Variants in CEP112 observed in about 807,000 individuals in gnomAD.
The protein encoded by CEP112 is centrosomal protein 112, also known as centrosomal protein of 112 kDa.
CEP112 carries 127 observed loss-of-function variants against 153.0 expected under a neutral mutation model. The observed-to-expected ratio is 0.83, with a 90% CI of 0.72 to 0.96. CEP112 has a LOEUF of 0.96. CEP112 is among the 40% of genes least tolerant of loss of function. The pLI is 0.00. For missense variants in CEP112, 1,089 were observed against 1,101.2 expected, an observed-to-expected ratio of 0.99 and a Z score of 0.16; for synonymous variants, 358 against 374.4, an observed-to-expected ratio of 0.96 and a Z score of 0.51.
chr17:65,864,913 AGTGTGTGTGTGTGTGTGTGTGTGTGTGT>A (rs6146121), intron 20 of CEP112, among the ~76,000 whole-genome samples: 113 of 144,606 alleles, frequency 7.8e-4, no homozygotes, highest in South Asian at 2.4e-3. Flanking sequence ...GGGGTAAGCA[AGTGTGTGTGTGTGTGTGTGTGTGTGTGT>A]GTGTGTGTGT....
intron 24 of CEP112, among the ~76,000 whole-genome samples, chr17:65,668,429 A>G: frequency 6.6e-6 from 1 of 151,990 alleles, no homozygotes. Context: ...AGACCTTATT[A>G]CCCCTGTGAC....
chr17:65,977,405 C>G (rs890567832), intron 17 of CEP112, among the ~76,000 whole-genome samples: 7 of 152,178 alleles, frequency 4.6e-5, no homozygotes, highest in Non-Finnish European at 1.0e-4. Context: ...CAGTATAGCA[C>G]AGTGGTTAAG....
chr17:65,786,511 T>G (rs957794451), intron 21 of CEP112, among the ~76,000 whole-genome samples: 2 of 152,170 alleles, frequency 1.3e-5, no homozygotes, highest in South Asian at 4.2e-4. Context: ...CAGTTCTTCA[T>G]GTATTTATGG....
chr17:66,073,899 C>A (rs2067389622), intron 8 of CEP112, among the ~76,000 whole-genome samples: 1 of 151,966 alleles, frequency 6.6e-6, no homozygotes, highest in Non-Finnish European at 1.5e-5. Flanking sequence ...CCACAAGGTC[C>A]TTTATCTAGA....
At chr17:65,753,603 C>G (rs1598474015) in intron 21 of CEP112, among the ~76,000 whole-genome samples, 1 of 152,124 alleles carries the variant, frequency 6.6e-6, no homozygotes, top group Non-Finnish European at 1.5e-5. Flanking sequence ...CACTCTCCAC[C>G]AGAATTAGGG....
intron 8 of CEP112, among the ~76,000 whole-genome samples, chr17:66,088,304 C>T (rs1416108965): frequency 1.3e-5 from 2 of 152,102 alleles, no homozygotes; most frequent in East Asian, 3.9e-4. Flanking sequence ...GCCAGCCCAG[C>T]AGACTCAGTC....
At chr17:65,670,374 A>C (rs934003404) in intron 24 of CEP112, among the ~76,000 whole-genome samples, 10 of 152,014 alleles carry the variant, frequency 6.6e-5, no homozygotes, top group Non-Finnish European at 1.5e-4. Context: ...TAAAAAAAAA[A>C]ACCCTCATAA....
intron 4 of CEP112, among the ~76,000 whole-genome samples, chr17:66,160,859 A>G (rs1236155507): frequency 2.0e-5 from 3 of 152,186 alleles, no homozygotes; most frequent in African/African-American, 7.2e-5. Context: ...TAAACTAAAG[A>G]GCTTCTGCCT....
intron 21 of CEP112, among the ~76,000 whole-genome samples, chr17:65,828,742 T>C (rs1398937489): frequency 6.6e-6 from 1 of 152,158 alleles, no homozygotes. Context: ...GCTCCTAATA[T>C]CAAACCATCT....
In CEP112 at chr17:66,044,684, G is replaced by A. The variant is rs187358554; in HGVS notation, c.1218+9052C>T. Among the ~76,000 whole-genome samples, 14 of 152,282 alleles carry A rather than the reference G, an allele frequency of 9.2e-5. No homozygotes were observed. In the East Asian group the frequency reaches 2.3e-3, roughly 25 times the overall value. Reference sequence around the variant, plus strand: ...TGGTCAAATTCGTAAGAGACTAAAAGTGAGGAACTGAATAAAGACGGCAAA... The same window carrying A: ...TGGTCAAATTCGTAAGAGACTAAAAATGAGGAACTGAATAAAGACGGCAAA... On this transcript the variant is annotated intron_variant, in intron 12 of 26. Transcript: ENST00000535342.
chr17:65,645,209 A>G (rs1158258720), intron 24 of CEP112, among the ~76,000 whole-genome samples: 2 of 151,804 alleles, frequency 1.3e-5, no homozygotes, highest in African/African-American at 4.8e-5. Flanking sequence ...CCATAATTAT[A>G]CATTTTATCT....
chr17:65,970,779 A>G (rs1174198968), intron 17 of CEP112, among the ~76,000 whole-genome samples: 1 of 46,170 alleles, frequency 2.2e-5, no homozygotes. Flanking sequence ...TGTTACATGC[A>G]TGCATAAAAT....
At chr17:65,871,423 C>G (rs1196355293) in intron 20 of CEP112, among the ~76,000 whole-genome samples, 3 of 152,100 alleles carry the variant, frequency 2.0e-5, no homozygotes, top group Admixed American at 1.3e-4. Flanking sequence ...ATCACGAGGT[C>G]AGGAGATCAA....
chr17:66,044,659 T>A (rs1185253666), intron 12 of CEP112, among the ~76,000 whole-genome samples: 1 of 152,150 alleles, frequency 6.6e-6, no homozygotes, highest in Non-Finnish European at 1.5e-5. Context: ...TTTCCTAGAA[T>A]GGTCAAATTC....
intron 4 of CEP112, among the ~76,000 whole-genome samples, chr17:66,154,024 C>T (rs967010244): frequency 7.4e-6 from 1 of 135,222 alleles, no homozygotes; most frequent in Non-Finnish European, 1.6e-5. Context: ...AAAAAAAATA[C>T]AAAAATCAGC....
At chr17:65,971,722 ATATATTGCAGG>A (rs1677188664) in intron 17 of CEP112, among the ~76,000 whole-genome samples, 1 of 151,922 alleles carries the variant, frequency 6.6e-6, no homozygotes. Flanking sequence ...GCATGCATAA[ATATATTGCAGG>A]TATATTGCTC....
chr17:66,101,846 A>G (rs887291342), intron 6 of CEP112, among the ~76,000 whole-genome samples: 23 of 152,244 alleles, frequency 1.5e-4, no homozygotes, highest in Admixed American at 1.1e-3. Flanking sequence ...GTGGAAAGAC[A>G]CTGCAAAAAA....
intron 23 of CEP112, among the ~76,000 whole-genome samples, chr17:65,735,812 T>C (rs2050769746): frequency 1.3e-5 from 2 of 152,184 alleles, no homozygotes; most frequent in South Asian, 4.1e-4. Context: ...TGTGTTATTA[T>C]GAAAATAGTT....
chr17:66,087,861 T>TACCTCAGACCTC (rs2067997921), intron 8 of CEP112, among the ~76,000 whole-genome samples: 1 of 151,952 alleles, frequency 6.6e-6, no homozygotes, highest in Admixed American at 6.6e-5. Context: ...CACTAGACTT[T>TACCTCAGACCTC]ACCTCAGACC....
Sources: allele counts gnomAD v4.1 joint callset (sites outside exome capture counted in the v4.1 genomes callset), GRCh38; gene constraint gnomAD v4.1.1; transcripts MANE v1.5; gene names NCBI Gene and HGNC (gene_info 2026-07-23, HGNC 2026-07-21).